IGF2R: variants seen among roughly 807,000 people sequenced by gnomAD.
The protein encoded by IGF2R is insulin like growth factor 2 receptor.
IGF2R carries 91 observed loss-of-function variants against 270.6 expected under a neutral mutation model. The ratio of observed to expected loss-of-function variants is 0.34; its 90% confidence interval spans 0.28 to 0.40. IGF2R has a LOEUF of 0.40. IGF2R is among the 10% of genes least tolerant of loss of function. IGF2R has a pLI of 1.00. For missense variants in IGF2R, 2,805 were observed against 3,188.3 expected (o/e 0.88, Z 2.90); for synonymous variants, 1,316 against 1,258.9 (o/e 1.05, Z -0.96).
At chr6:160,077,311 G>A (rs181896541) in intron 36 of IGF2R, among the ~76,000 whole-genome samples, 157 of 152,288 alleles carry the variant, frequency 1.0e-3, no homozygotes, top group Non-Finnish European at 1.6e-3. Context: ...ATGGGGCAAC[G>A]TGGATTTTGC....
intron 2 of IGF2R, chr6:160,003,968 A>C (rs999620231): frequency 2.0e-5 from 3 of 152,216 alleles, no homozygotes; most frequent in Admixed American, 1.3e-4. Context: ...GGGAACAGCC[A>C]GTTCAGGGGA....
At chr6:159,985,003 C>G (rs73594480) in intron 1 of IGF2R, among the ~76,000 whole-genome samples, 1 of 152,128 alleles carries the variant, frequency 6.6e-6, no homozygotes, top group Non-Finnish European at 1.5e-5. Flanking sequence ...ATTCCTGGTT[C>G]CAGGCCTCTA....
In IGF2R at chr6:160,009,058, C is replaced by T; in HGVS notation, c.338C>T (p.Thr113Ile). Reference protein sequence around the residue: ...SATRSLLEFNTTVSCDQQGTN... With the variant: ...SATRSLLEFNITVSCDQQGTN... ...ACCAGATCTCTCCTGGAATTCAACA[C>T]AACAGTGAGCTGTGACCAGCAAGGC... is the stretch of plus-strand genomic sequence containing the variant. The change falls in exon 3 of 48, where the codon ACA becomes ATA. Residue 113 changes from threonine to isoleucine, a missense_variant. This residue lies in a region of IGF2R where 954 missense variants were observed against 981.1 expected (regional missense o/e 0.97). Transcript: ENST00000356956. 3 of 1,613,814 alleles carry T rather than the reference C, an allele frequency of 1.9e-6. No individual in the cohort carries two copies. Among genetic ancestry groups the T allele is most frequent in the Non-Finnish European group, 2.5e-6 (3 of 1,179,756 alleles).
Position 160,049,096 on chromosome 6 carries a change from A to T in IGF2R, c.2514+553A>T, listed in dbSNP as rs534699496. Among the ~76,000 whole-genome samples, 4 of 152,202 alleles carry T rather than the reference A, an allele frequency of 2.6e-5. No individual in the cohort carries two copies. In the South Asian group the frequency reaches 8.3e-4, roughly 32 times the overall value. On this transcript the variant is annotated intron_variant, in intron 18 of 47. Coordinates refer to ENST00000356956, the MANE Select transcript of IGF2R (RefSeq NM_000876.4). ...CTGTATTGGCTTCTGTAAAAATAGC[A>T]TGTTGGGAATGTACTTTTCTTGGTG...
At chr6:160,072,406 C>G (rs915757797) in intron 32 of IGF2R, among the ~76,000 whole-genome samples, 1 of 152,238 alleles carries the variant, frequency 6.6e-6, no homozygotes, top group Non-Finnish European at 1.5e-5. Context: ...CCAGGAGTCT[C>G]TCACCTGCCC....
intron 36 of IGF2R, among the ~76,000 whole-genome samples, chr6:160,077,351 C>T (rs540880391): frequency 7.2e-5 from 11 of 152,280 alleles, no homozygotes; most frequent in South Asian, 2.1e-4. Context: ...TTAAGTTCTT[C>T]GTTCTTTAAA....
At chr6:160,027,908 A>G (rs1367881058) in intron 6 of IGF2R, among the ~76,000 whole-genome samples, 1 of 152,114 alleles carries the variant, frequency 6.6e-6, no homozygotes, top group Non-Finnish European at 1.5e-5. Context: ...GGCCTTTGGT[A>G]GACACCTTGT....
rs149952711 is a variant in IGF2R, at chr6:160,083,971, G to T, written c.5855G>T (p.Ser1952Ile). ...CCAGCAAACAGCTACCGGACATCCA[G>T]CATCATATTTAAGTGTGATGAAGAT... ...CRHSNSYRTS[S>I]IIFKCDEDED... is the part of the protein sequence containing the mutation. Residue 1952 changes from serine to isoleucine, a missense_variant, in exon 40 of 48, where the codon AGC becomes ATC. Ser to Ile is a moderately radical substitution (Grantham distance 142). This residue lies in a region of IGF2R where 1,851 missense variants were observed against 2,207.2 expected (regional missense o/e 0.84). Transcript: ENST00000356956. 1 of 1,613,438 alleles carries T rather than the reference G, an allele frequency of 6.2e-7. No homozygotes were observed. Among genetic ancestry groups the T allele is most frequent in the South Asian group, 1.1e-5 (1 of 91,076 alleles).
chr6:160,019,836 A>G (rs1006020727), intron 4 of IGF2R, among the ~76,000 whole-genome samples: 17 of 152,224 alleles, frequency 1.1e-4, no homozygotes, highest in Admixed American at 6.5e-4. Flanking sequence ...TATACGACAG[A>G]ACCACAGCCA....
intron 27 of IGF2R, 108 bp from the exon 28 acceptor site, chr6:160,064,293 A>G: frequency 1.6e-6 from 2 of 1,264,240 alleles, no homozygotes; most frequent in Non-Finnish European, 2.3e-6. Flanking sequence ...GAGGCCAGGG[A>G]TACTTTGTCT....
At chr6:159,993,972 T>A (rs1283241714) in intron 2 of IGF2R, among the ~76,000 whole-genome samples, 1 of 149,092 alleles carries the variant, frequency 6.7e-6, no homozygotes, top group Non-Finnish European at 1.5e-5. Flanking sequence ...TAGGGAGGAT[T>A]CCCTCCAACT....
chr6:160,077,903 AT>A (rs1778888610), intron 36 of IGF2R, among the ~76,000 whole-genome samples: 1 of 152,238 alleles, frequency 6.6e-6, no homozygotes, highest in Admixed American at 6.5e-5. Flanking sequence ...CTCATGACAT[AT>A]AAGCCCTCCC....
intron 15 of IGF2R, among the ~76,000 whole-genome samples, chr6:160,046,873 C>G (rs1045038642): frequency 6.6e-6 from 1 of 152,168 alleles, no homozygotes; most frequent in South Asian, 2.1e-4. Context: ...CTCACTATTG[C>G]GCATTTTGTG....
intron 44 of IGF2R, 150 bp downstream of exon 44, chr6:160,090,253 A>G (rs1779189711): frequency 3.7e-6 from 2 of 537,834 alleles, no homozygotes; most frequent in East Asian, 6.8e-5. Context: ...GAATTTCTTG[A>G]CAGTGGATTG....
rs940233231 is a variant in IGF2R at position 160,088,121 on chromosome 6, G to T, written c.6294G>T (p.Lys2098Asn). The change falls in exon 42 of 48, where the codon AAG becomes AAT. Residue 2098 changes from lysine (K) to asparagine (N), a missense_variant. Physicochemically the swap from Lys to Asn is moderately conservative, Grantham distance 94. Coordinates refer to ENST00000356956, the MANE Select transcript of IGF2R (RefSeq NM_000876.4). ...CCGTGATAGAATTGACCTGTACAAA[G>T]ACGGTGGGCAGACCTGCATTCAAGA... The part of the protein sequence containing the change: ...ASSVIELTCT[K>N]TVGRPAFKRF... 6 of 1,612,216 alleles carry T rather than the reference G, an allele frequency of 3.7e-6. No individual in the cohort carries two copies. The highest frequency in any genetic ancestry group is 3.3e-5 in the Admixed American group (2 of 60,008).
Position 159,993,572 on chromosome 6 carries a change from G to A in IGF2R, c.289+2249G>A, listed in dbSNP as rs117154194. On this transcript the variant is annotated intron_variant, in intron 2 of 47. Coordinates refer to ENST00000356956, the MANE Select transcript of IGF2R (RefSeq NM_000876.4). Reference sequence around the variant, plus strand: ...TCTGGGTTCTCTATTCTGTTCCATTGATCTGTGTGCCTATTTTTATATCAG... The same window carrying A: ...TCTGGGTTCTCTATTCTGTTCCATTAATCTGTGTGCCTATTTTTATATCAG... Among the ~76,000 whole-genome samples, 1,287 of 152,204 alleles carry A rather than the reference G, an allele frequency of 8.5e-3. 52 individuals carry two copies. The East Asian group carries it at 0.095, about 11-fold the overall frequency.
rs1435646782 is a variant in IGF2R, at chr6:160,003,015, A to G, written c.290-5995A>G. Among the ~76,000 whole-genome samples, 5 of 152,172 alleles carry G rather than the reference A, an allele frequency of 3.3e-5. No individual in the cohort carries two copies. The South Asian group carries it at 8.3e-4, about 25-fold the overall frequency. Reference sequence around the variant, plus strand: ...ACTCACTAAGGAACAGTGTTAATTGAGGTTACCTCTGGAGCCTGGAATTCT... The same window carrying G: ...ACTCACTAAGGAACAGTGTTAATTGGGGTTACCTCTGGAGCCTGGAATTCT... On this transcript the variant is annotated intron_variant, in intron 2 of 47. Transcript: ENST00000356956.
chr6:159,987,201 C>G (rs1220704014), intron 1 of IGF2R, among the ~76,000 whole-genome samples: 2 of 151,998 alleles, frequency 1.3e-5, no homozygotes, highest in Admixed American at 1.3e-4. Flanking sequence ...GTTATTTATA[C>G]GATTTTCAAG....
At chr6:160,010,572 C>A in intron 3 of IGF2R, 115 bp from the exon 4 acceptor site, 1 of 665,532 alleles carries the variant, frequency 1.5e-6, no homozygotes, top group Non-Finnish European at 2.6e-6. Context: ...GCATCCCCTG[C>A]CCTTCTTGCT....
Sources: gnomAD v4.1 joint callset for allele counts (sites outside exome capture counted in the v4.1 genomes callset) on GRCh38, gnomAD v4.1.1 for gene constraint, gnomAD v4.1.1 regional missense constraint, MANE v1.5 for transcripts, NCBI Gene and HGNC (gene_info 2026-07-23, HGNC 2026-07-21) for gene names.